Variants in SIRPG observed in about 807,000 individuals in gnomAD.
The protein encoded by SIRPG is signal-regulatory protein gamma.
A neutral mutation model predicts 35.7 loss-of-function variants in SIRPG; 38 were observed. That is an observed-to-expected ratio of 1.06 (90% CI 0.82 to 1.40). SIRPG has a LOEUF of 1.40. Among genes scored for constraint, SIRPG ranks in the 40% most tolerant of loss-of-function variants. The probability of loss-of-function intolerance (pLI) is 0.00; values close to 1 mark genes in which losing one functional copy is unlikely to be tolerated. For missense variants in SIRPG, 519 were observed against 483.0 expected, an observed-to-expected ratio of 1.07 and a Z score of -0.70; for synonymous variants, 215 against 190.4, an observed-to-expected ratio of 1.13 and a Z score of -1.06.
Position 1,630,207 on chromosome 20 carries a change from C to T in SIRPG, c.*2+15G>A. On this transcript the variant is annotated intron_variant, in intron 5 of 5. Transcript: ENST00000303415. The stretch of plus-strand genomic sequence containing the variant: ...TGAGACAGCCCTTGGTCTGTCCTCC[C>T]TTCCTTGTACTTACAGTCAGGTCTT... The T allele has an allele frequency of 1.3e-6, 2 of 1,545,666 alleles. No individual in the cohort carries two copies. Among genetic ancestry groups the T allele is most frequent in the Non-Finnish European group, 1.8e-6 (2 of 1,139,580 alleles).
At chr20:1,664,937 G>A in the SIRPG span, among the ~76,000 whole-genome samples, 161 of 152,196 alleles carry the variant, frequency 1.1e-3, 1 homozygote, top group Non-Finnish European at 1.8e-3. Context: ...GGATTCCTTA[G>A]AATGGAGTCC....
chr20:1,654,786 C>G lies in SIRPG; in HGVS notation c.73+2856G>C, dbSNP rs147963743. On this transcript the variant is annotated intron_variant, in intron 1 of 5. Coordinates refer to ENST00000303415, the MANE Select transcript of SIRPG (RefSeq NM_018556.4). ...AAGAAAACATTTGCAAACCATACAT[C>G]TGATAAGGAGTCAGTATACAAAATA... is the stretch of plus-strand genomic sequence containing the variant. 7.9e-4 allele frequency among the ~76,000 whole-genome samples: 120 copies of G among 152,288 alleles called. 1 individual carries two copies. The highest frequency in any genetic ancestry group is 5.6e-3 in the East Asian group (29 of 5,186).
At chr20:1,632,522 C>G (rs1287022452) in intron 4 of SIRPG, among the ~76,000 whole-genome samples, 1 of 152,164 alleles carries the variant, frequency 6.6e-6, no homozygotes, top group Non-Finnish European at 1.5e-5. Context: ...AAAATGCCAG[C>G]CCTGGTCCTG....
the SIRPG span, among the ~76,000 whole-genome samples, chr20:1,682,285 A>G: frequency 1.3e-5 from 2 of 152,344 alleles, no homozygotes; most frequent in East Asian, 3.9e-4. Flanking sequence ...TAATAAGAAA[A>G]GTCTTTTAAA....
upstream of SIRPG, among the ~76,000 whole-genome samples, chr20:1,658,740 G>T (rs140240095): frequency 6.6e-6 from 1 of 152,218 alleles, no homozygotes; most frequent in Non-Finnish European, 1.5e-5. Flanking sequence ...TGATACTCAC[G>T]GTGCCAGGTG....
Position 1,635,513 on chromosome 20 carries a change from G to C in SIRPG, c.835C>G (p.Gln279Glu). The C allele has an allele frequency of 6.2e-7, 1 of 1,614,054 alleles. No individual in the cohort carries two copies. Among genetic ancestry groups the C allele is most frequent in the Non-Finnish European group, 8.5e-7 (1 of 1,179,938 alleles). ...TCCGACCAGGTCAGCTGTAGGCTCTGGGGGTAGAACTTCCTCACCTGGCAG... is the reference window on the plus strand; with the variant it reads ...TCCGACCAGGTCAGCTGTAGGCTCTCGGGGTAGAACTTCCTCACCTGGCAG... ...VTCQVRKFYP[Q>E]SLQLTWSENG... The change falls in exon 4 of 6, where the codon CAG becomes GAG. Residue 279 changes from glutamine (Q) to glutamate (E), a missense_variant. Coordinates refer to ENST00000303415, the MANE Select transcript of SIRPG (RefSeq NM_018556.4).
intron 4 of SIRPG, 157 bp from the exon 5 acceptor site, chr20:1,630,463 A>AG: frequency 1.7e-6 from 1 of 598,456 alleles, no homozygotes; most frequent in South Asian, 2.0e-5. Context: ...CACAAGGCAG[A>AG]AGCCACAGAA....
the SIRPG span, among the ~76,000 whole-genome samples, chr20:1,672,201 C>T: frequency 6.6e-6 from 1 of 152,120 alleles, no homozygotes; most frequent in Middle Eastern, 3.4e-3. Context: ...TTAAATGGGG[C>T]CCTGTTTGCT....
chr20:1,672,042 C>T, the SIRPG span, among the ~76,000 whole-genome samples: 1 of 152,182 alleles, frequency 6.6e-6, no homozygotes, highest in African/African-American at 2.4e-5. Flanking sequence ...AGGGCATTTA[C>T]AGAAGCCAAT....
chr20:1,651,621 G>A (rs1436610342), intron 1 of SIRPG, among the ~76,000 whole-genome samples: 1 of 152,142 alleles, frequency 6.6e-6, no homozygotes, highest in Non-Finnish European at 1.5e-5. Flanking sequence ...ATGGCAATGA[G>A]GAGGGGATTA....
At chr20:1,666,948 G>A in the SIRPG span, among the ~76,000 whole-genome samples, 1 of 151,048 alleles carries the variant, frequency 6.6e-6, no homozygotes, top group Non-Finnish European at 1.5e-5. Flanking sequence ...GACTTGCTCT[G>A]TTGCCCAGAC....
intron 2 of SIRPG, among the ~76,000 whole-genome samples, chr20:1,640,997 G>A (rs538975319): frequency 5.9e-5 from 9 of 152,036 alleles, no homozygotes; most frequent in Admixed American, 1.3e-4. Flanking sequence ...GATGTGCTGC[G>A]GGATTCAGTT....
chr20:1,632,683 G>A (rs943286520), intron 4 of SIRPG, among the ~76,000 whole-genome samples: 13 of 152,072 alleles, frequency 8.5e-5, no homozygotes, highest in Admixed American at 8.5e-4. Context: ...AGAGGAAGAA[G>A]GGAGACTGAC....
intron 2 of SIRPG, among the ~76,000 whole-genome samples, chr20:1,643,811 G>A (rs1357930781): frequency 6.6e-6 from 1 of 152,118 alleles, no homozygotes; most frequent in Non-Finnish European, 1.5e-5. Context: ...TTCTTTCAAT[G>A]GTCAGGTCCC....
intron 2 of SIRPG, chr20:1,637,688 G>C (rs978610656): frequency 2.6e-5 from 4 of 152,174 alleles, no homozygotes; most frequent in African/African-American, 9.7e-5. Context: ...TAGGTCTTCA[G>C]TTGGGCCAGG....
the SIRPG span, among the ~76,000 whole-genome samples, chr20:1,673,169 G>T: frequency 2.0e-5 from 3 of 152,180 alleles, no homozygotes; most frequent in Admixed American, 2.0e-4. Context: ...GCACAGTAAA[G>T]AGGGTGTCAC....
chr20:1,661,191 A>T (rs1024143426), upstream of SIRPG, among the ~76,000 whole-genome samples: 4 of 152,174 alleles, frequency 2.6e-5, no homozygotes, highest in African/African-American at 9.7e-5. Flanking sequence ...AGAATTTATG[A>T]TGCTGTGTGA....
At chr20:1,669,398 C>T in the SIRPG span, among the ~76,000 whole-genome samples, 5 of 152,122 alleles carry the variant, frequency 3.3e-5, no homozygotes, top group South Asian at 2.1e-4. Flanking sequence ...AGGGATGTTG[C>T]GGTTATTATT....
rs2277761 is a variant in SIRPG, at chr20:1,636,423, A to T, written c.513T>A (p.His171Gln). 3.5e-5 allele frequency: 56 copies of T among 1,614,114 alleles called. 1 individual carries two copies. In the South Asian group the frequency reaches 5.9e-4, roughly 17 times the overall value. Residue 171 changes from histidine (H) to glutamine (Q), a missense_variant, in exon 3 of 6, where the codon CAT becomes CAA. Transcript: ENST00000303415. ...GGGTGATGTCTCTGGGAGAGAAGCC[A>T]TGGGACTCACAGGTGAAACTCACTG... is the stretch of plus-strand genomic sequence containing the variant. ...EHTVSFTCES[H>Q]GFSPRDITLK...
Sources: gnomAD v4.1 joint callset for allele counts (sites outside exome capture counted in the v4.1 genomes callset) on GRCh38, gnomAD v4.1.1 for gene constraint, MANE v1.5 for transcripts, NCBI Gene and HGNC (gene_info 2026-07-23, HGNC 2026-07-21) for gene names.